MALSU1: variants seen among roughly 807,000 people sequenced by gnomAD.
The protein encoded by MALSU1 is mitochondrial assembly of ribosomal large subunit 1.
Under a neutral mutation model 22.1 loss-of-function variants are expected in MALSU1, and 22 were observed. The observed-to-expected ratio is 1.00, with a 90% CI of 0.71 to 1.42. MALSU1 has a LOEUF of 1.42. Ranked by LOEUF, MALSU1 falls within the 40% of genes most tolerant of loss-of-function variation. MALSU1 has a pLI of 0.00. For synonymous variants in MALSU1, 153 were observed against 118.5 expected (o/e 1.29, Z -1.89); for missense variants, 379 against 308.3 (o/e 1.23, Z -1.72).
intron 2 of MALSU1, among the ~76,000 whole-genome samples, chr7:23,304,703 G>A (rs1425539084): frequency 6.6e-6 from 1 of 152,118 alleles, no homozygotes; most frequent in African/African-American, 2.4e-5. Context: ...ACTCCACAGT[G>A]CCCAGCTAAT....
Position 23,303,183 on chromosome 7 carries a change from A to C in MALSU1, c.435+2166A>C, listed in dbSNP as rs564091810. On this transcript the variant is annotated intron_variant, in intron 2 of 3. Coordinates refer to ENST00000466681, the MANE Select transcript of MALSU1 (RefSeq NM_138446.2). Reference sequence around the variant, plus strand: ...TTTGCAAAAACGAAACTCTGAACTCATTAAACAATAACTCCCCATTTCTCC... The same window carrying C: ...TTTGCAAAAACGAAACTCTGAACTCCTTAAACAATAACTCCCCATTTCTCC... Among the ~76,000 whole-genome samples the C allele has an allele frequency of 2.0e-5, 3 of 152,236 alleles. No individual in the cohort carries two copies. The East Asian group carries it at 5.8e-4, about 29-fold the overall frequency.
chr7:23,302,013 C>G (rs1783655338), intron 2 of MALSU1, among the ~76,000 whole-genome samples: 1 of 151,970 alleles, frequency 6.6e-6, no homozygotes, highest in African/African-American at 2.4e-5. Flanking sequence ...GTTATATTAG[C>G]TATATTTCAA....
chr7:23,306,079 G>A (rs969102644), intron 2 of MALSU1, among the ~76,000 whole-genome samples: 4 of 152,002 alleles, frequency 2.6e-5, no homozygotes, highest in African/African-American at 4.8e-5. Flanking sequence ...CTGTAATCCC[G>A]GCTACTTGGG....
chr7:23,308,490 G>A (rs1783754354), intron 3 of MALSU1, among the ~76,000 whole-genome samples: 1 of 152,184 alleles, frequency 6.6e-6, no homozygotes, highest in Non-Finnish European at 1.5e-5. Flanking sequence ...AGGAGTCTGA[G>A]ATTTTATTCT....
chr7:23,300,326 G>C (rs954252414), intron 1 of MALSU1, among the ~76,000 whole-genome samples: 2 of 152,148 alleles, frequency 1.3e-5, no homozygotes, highest in African/African-American at 4.8e-5. Context: ...TTCAGTGACT[G>C]ATCTTAGGCC....
At chr7:23,305,335 A>C (rs1239612987) in intron 2 of MALSU1, among the ~76,000 whole-genome samples, 1 of 151,704 alleles carries the variant, frequency 6.6e-6, no homozygotes, top group Non-Finnish European at 1.5e-5. Context: ...ATGAGACTCC[A>C]ACTTTGTTCT....
intron 1 of MALSU1, 92 bp from the exon 2 acceptor site, chr7:23,300,747 C>T (rs1350451533): frequency 3.6e-6 from 4 of 1,109,460 alleles, no homozygotes; most frequent in Admixed American, 1.9e-5. Context: ...TAAACACCCT[C>T]ATGGAGGAAC....
In MALSU1 at chr7:23,307,904, A is replaced by G; in HGVS notation, c.472A>G (p.Lys158Glu). The change falls in exon 3 of 4, where the codon AAG becomes GAG. Residue 158 changes from lysine to glutamate, a missense_variant. Coordinates refer to ENST00000466681, the MANE Select transcript of MALSU1 (RefSeq NM_138446.2). Reference protein sequence around the residue: ...HLKCKRDPHVKIEGKDTDDWL... With the variant: ...HLKCKRDPHVEIEGKDTDDWL... The stretch of plus-strand genomic sequence containing the variant: ...GAAATGTAAACGTGACCCTCATGTT[A>G]AGATAGAAGGGAAGGACACTGATGA... The G allele has an allele frequency of 6.2e-7, 1 of 1,614,012 alleles. No homozygotes were observed.
intron 2 of MALSU1, among the ~76,000 whole-genome samples, chr7:23,305,823 C>T (rs1165176203): frequency 6.6e-6 from 1 of 152,126 alleles, no homozygotes; most frequent in South Asian, 2.1e-4. Flanking sequence ...AGTATCTTTC[C>T]ATTTACTGGC....
chr7:23,301,061 A>AT (rs959300619), intron 2 of MALSU1, 44 bp downstream of exon 2: 2 of 1,550,426 alleles, frequency 1.3e-6, no homozygotes, highest in Non-Finnish European at 1.8e-6. Flanking sequence ...ACTGAGTGGA[A>AT]TAGTGACAGT....
At position 23,310,577 on chromosome 7, in the gene MALSU1, G is replaced by A. The variant is rs866725676; in HGVS notation, c.*1034G>A. 2.0e-5 allele frequency: 3 copies of A among 152,100 alleles called. No individual in the cohort carries two copies. Among genetic ancestry groups the A allele is most frequent in the Non-Finnish European group, 4.4e-5 (3 of 68,026 alleles). 9.4% of individuals were successfully genotyped at this position (152,100 alleles called of 1,614,324 possible). ...ACCAGAAAGCCAGTCCATGATTTTAGCAATTTTAATTCATTGTATGAAAAA... is the reference window on the plus strand; with the variant it reads ...ACCAGAAAGCCAGTCCATGATTTTAACAATTTTAATTCATTGTATGAAAAA... On this transcript the variant is annotated 3_prime_UTR_variant, in exon 4 of 4. Coordinates refer to ENST00000466681, the MANE Select transcript of MALSU1 (RefSeq NM_138446.2).
At chr7:23,300,165 C>T (rs540772196) in intron 1 of MALSU1, among the ~76,000 whole-genome samples, 50 of 152,144 alleles carry the variant, frequency 3.3e-4, no homozygotes, top group African/African-American at 1.1e-3. Flanking sequence ...TTTAAATTTA[C>T]AGCCTGTAAT....
intron 2 of MALSU1, among the ~76,000 whole-genome samples, chr7:23,301,939 A>AG (rs1463296475): frequency 6.6e-6 from 1 of 151,742 alleles, no homozygotes; most frequent in Non-Finnish European, 1.5e-5. Context: ...ACTGCACTCC[A>AG]GCCTGGTGAC....
rs911332233 is a variant in MALSU1 at position 23,310,865 on chromosome 7, C to CA, written c.*1328dup. ...CTGTGATCATCTTACAAACAAAACT[C>CA]AAAAAATCAATTCAGAGAGCAGCGT... is the stretch of plus-strand genomic sequence containing the variant. On this transcript the variant is annotated 3_prime_UTR_variant, in exon 4 of 4. Transcript: ENST00000466681. The CA allele has an allele frequency of 2.0e-5, 3 of 152,000 alleles. No individual in the cohort carries two copies. The South Asian group carries it at 6.2e-4, about 32-fold the overall frequency. 9.4% of individuals were successfully genotyped at this position (152,000 alleles called of 1,614,324 possible).
rs1783805678 is a variant in MALSU1 at position 23,310,839 on chromosome 7, A to G, written c.*1296A>G. ...ATGTCCTTTAGATCAGTGTAACATG[A>G]CTGTGATCATCTTACAAACAAAACT... On this transcript the variant is annotated 3_prime_UTR_variant, in exon 4 of 4. Coordinates refer to ENST00000466681, the MANE Select transcript of MALSU1 (RefSeq NM_138446.2). The G allele has an allele frequency of 6.6e-6, 1 of 152,248 alleles. No homozygotes were observed. Among genetic ancestry groups the G allele is most frequent in the Non-Finnish European group, 1.5e-5 (1 of 68,014 alleles). 9.4% of individuals were successfully genotyped at this position (152,248 alleles called of 1,614,324 possible). A position where few individuals can be genotyped will look rare whatever the true frequency, so the allele number is the denominator to read the frequency against.
At position 23,300,938 on chromosome 7, in the gene MALSU1, G is replaced by C. The variant is rs148727123; in HGVS notation, c.356G>C (p.Arg119Thr). 170 of 1,613,994 alleles carry C rather than the reference G, an allele frequency of 1.1e-4. No homozygotes were observed. In the African/African-American group the frequency reaches 2.0e-3, roughly 19 times the overall value. ...GTGATCCAGGTTCCTCCAGAAATGAGATATACAGATTACTTTGTGATTGTT... is the reference window on the plus strand; with the variant it reads ...GTGATCCAGGTTCCTCCAGAAATGACATATACAGATTACTTTGTGATTGTT... Reference protein sequence around the residue: ...ICVIQVPPEMRYTDYFVIVSG... With the variant: ...ICVIQVPPEMTYTDYFVIVSG... Residue 119 changes from arginine to threonine, a missense_variant, in exon 2 of 4, where the codon AGA (arginine) becomes ACA (threonine). Physicochemically the swap from Arg to Thr is moderately conservative, Grantham distance 71 (BLOSUM62 -1). Transcript: ENST00000466681.
At position 23,309,424 on chromosome 7, in the gene MALSU1, C is replaced by G. The variant is rs761036860; in HGVS notation, c.586C>G (p.Leu196Val). ...CTATGAATTAGAGAAATTATGGACCCTACGTTCTTATGATGACCAGTTAGC... is the reference window on the plus strand; with the variant it reads ...CTATGAATTAGAGAAATTATGGACCGTACGTTCTTATGATGACCAGTTAGC... The part of the protein sequence containing the change: ...EIYELEKLWT[L>V]RSYDDQLAQI... Residue 196 changes from leucine (L) to valine (V), a missense_variant, in exon 4 of 4, where the codon CTA becomes GTA. By Grantham distance (32) the Leu-to-Val change is conservative. Coordinates refer to ENST00000466681, the MANE Select transcript of MALSU1 (RefSeq NM_138446.2). 4.3e-6 allele frequency: 7 copies of G among 1,613,686 alleles called. No homozygotes were observed. In the South Asian group the frequency reaches 7.7e-5, roughly 18 times the overall value.
At position 23,299,604 on chromosome 7, in the gene MALSU1, G is replaced by A; in HGVS notation, c.252G>A (p.Ala84=). 6.3e-7 allele frequency: 1 copy of A among 1,575,506 alleles called. No homozygotes were observed. The highest frequency in any genetic ancestry group is 8.6e-7 in the Non-Finnish European group (1 of 1,160,862). ...ACGAGGGACGCCCAGAATCGGACGC[G>A]GCAGGTACGGGCGTGGAGAAGAACG... ...TVNEGRPESD[A]ADHTGPKFDI... Residue 84 remains alanine, a synonymous_variant, in exon 1 of 4, where the codon GCG becomes GCA. Coordinates refer to ENST00000466681, the MANE Select transcript of MALSU1 (RefSeq NM_138446.2).
intron 2 of MALSU1, 176 bp downstream of exon 2, chr7:23,301,193 G>A (rs77088273): frequency 1.2e-5 from 7 of 566,754 alleles, no homozygotes. Flanking sequence ...ACATATGGGA[G>A]CAAATATCCA....
Sources: allele counts gnomAD v4.1 joint callset (sites outside exome capture counted in the v4.1 genomes callset), GRCh38; gene constraint gnomAD v4.1.1; transcripts MANE v1.5; gene names NCBI Gene and HGNC (gene_info 2026-07-23, HGNC 2026-07-21).